Variants in PHKA1 observed in about 807,000 individuals in gnomAD.
The protein encoded by PHKA1 is phosphorylase kinase regulatory subunit alpha 1.
Under a neutral mutation model 110.2 loss-of-function variants are expected in PHKA1, and 60 were observed. The ratio of observed to expected loss-of-function variants is 0.54; its 90% CI spans 0.44 to 0.68. The LOEUF (loss-of-function observed/expected upper bound fraction) is 0.68, where lower values mean the gene tolerates loss of function less well. Ranked by LOEUF, PHKA1 falls within the 30% of genes least tolerant of loss-of-function variation. The probability of loss-of-function intolerance (pLI) is 0.00; values close to 1 mark genes in which losing one functional copy is unlikely to be tolerated. For missense variants in PHKA1, 801 were observed against 942.5 expected, an observed-to-expected ratio of 0.85 and a Z score of 1.97; for synonymous variants, 316 against 333.6, an observed-to-expected ratio of 0.95 and a Z score of 0.58.
At chrX:72,622,607 T>C (rs1375904527) in intron 18 of PHKA1, 39 of 752,443 alleles carry the variant, frequency 5.2e-5, no homozygotes, top group Non-Finnish European at 5.6e-5. Context: ...TAGTTGTATT[T>C]GCCTAGTTTG....
In PHKA1 at chrX:72,602,021, A is replaced by C; in HGVS notation, c.3042T>G (p.Phe1014Leu). 1 of 1,197,659 alleles carries C rather than the reference A, an allele frequency of 8.3e-7. No homozygotes were observed. Among genetic ancestry groups the C allele is most frequent in the Non-Finnish European group, 1.1e-6 (1 of 883,438 alleles). The stretch of plus-strand genomic sequence containing the variant: ...TCTCAGCTGAGATTGACAGTCTACG[A>C]AATTCCACCTGAAACATAAATGGCT... ...QLKSEIKQVE[F>L]RRLSISAESQ... Residue 1014 changes from phenylalanine (F) to leucine (L), a missense_variant, in exon 28 of 32, where the codon TTT (phenylalanine) becomes TTG (leucine). By Grantham distance (22) the Phe-to-Leu change is conservative. Around this residue, in one of 2 missense-constraint regions of PHKA1, gnomAD observed 502 missense variants for 519.2 expected, o/e 0.97. Transcript: ENST00000373542.
intron 5 of PHKA1, among the ~76,000 whole-genome samples, chrX:72,682,934 TAAAAAAA>T (rs1164416043): frequency 1.3e-4 from 8 of 63,857 alleles, no homozygotes; most frequent in East Asian, 5.9e-4. Flanking sequence ...AAAAATAAAT[TAAAAAAA>T]AAAAAAAAAA....
intron 7 of PHKA1, among the ~76,000 whole-genome samples, chrX:72,666,809 A>G (rs2147780539): frequency 8.9e-6 from 1 of 112,235 alleles, no homozygotes; most frequent in African/African-American, 3.2e-5. Context: ...TTAAAATTGG[A>G]GATGAGTTTA....
In PHKA1 at chrX:72,602,229, C is replaced by T. The variant is rs782357067; in HGVS notation, c.2962G>A (p.Glu988Lys). The stretch of plus-strand genomic sequence containing the variant: ...TTGGTTGCTCCAACAGCACCAATCT[C>T]GTGGATAGAAATAGCAGGACTGACA... The part of the protein sequence containing the change: ...SNVSPAISIH[E>K]IGAVGATKTE... The change falls in exon 27 of 32, where the codon GAG becomes AAG. Residue 988 changes from glutamate (E) to lysine (K), a missense_variant. This residue lies in a region of PHKA1 where 502 missense variants were observed against 519.2 expected (regional missense o/e 0.97). Transcript: ENST00000373542. 24 of 1,201,212 alleles carry T rather than the reference C, an allele frequency of 2.0e-5. No individual in the cohort carries two copies. Among genetic ancestry groups the T allele is most frequent in the Non-Finnish European group, 2.6e-5 (23 of 887,844 alleles).
chrX:72,618,667 T>C, intron 21 of PHKA1, 43 bp downstream of exon 21: 3 of 1,063,827 alleles, frequency 2.8e-6, no homozygotes, highest in Non-Finnish European at 3.9e-6. Flanking sequence ...ATAATTCCTC[T>C]GATTATGAAC....
chrX:72,689,801 C>T (rs2147817084), intron 4 of PHKA1, among the ~76,000 whole-genome samples: 1 of 111,411 alleles, frequency 9.0e-6, no homozygotes, highest in South Asian at 3.8e-4. Flanking sequence ...GACTCTTTTC[C>T]AAGGCAGCCG....
intron 14 of PHKA1, among the ~76,000 whole-genome samples, chrX:72,643,206 C>T (rs1426234410): frequency 9.0e-6 from 1 of 110,731 alleles, no homozygotes; most frequent in Non-Finnish European, 1.9e-5. Flanking sequence ...ACTGTAATTA[C>T]TAACATACCA....
Position 72,643,835 on chromosome X carries a change from T to A in PHKA1, c.1459+527A>T, listed in dbSNP as rs181463766. ...GTCATTATTCAGTCTTCCACAAGAG[T>A]AGTTTAGAATTTCTTTTAGATAACA... On this transcript the variant is annotated intron_variant, in intron 14 of 31. Transcript: ENST00000373542. Among the ~76,000 whole-genome samples the A allele has an allele frequency of 2.7e-5, 3 of 111,671 alleles. No individual in the cohort carries two copies. The East Asian group carries it at 8.4e-4, about 31-fold the overall frequency.
intron 5 of PHKA1, among the ~76,000 whole-genome samples, chrX:72,682,936 A>T (rs868991334): frequency 0.09 from 6,864 of 76,275 alleles, 167 homozygotes; most frequent in African/African-American, 0.11. Context: ...AAATAAATTA[A>T]AAAAAAAAAA....
intron 31 of PHKA1, 123 bp downstream of exon 31, chrX:72,582,275 G>A (rs1274902633): frequency 4.0e-6 from 2 of 502,377 alleles, no homozygotes; most frequent in Non-Finnish European, 7.0e-6. Context: ...TACAAAGGGG[G>A]CCCAAAAAAG....
At chrX:72,712,978 G>A in intron 1 of PHKA1, 41 bp from the exon 2 acceptor site, 1 of 1,187,194 alleles carries the variant, frequency 8.4e-7, no homozygotes, top group East Asian at 3.0e-5. Flanking sequence ...GTAACCATAG[G>A]TGTTAACATC....
rs1159542828 is a variant in PHKA1, at chrX:72,623,171, T to A, written c.1898A>T (p.Asp633Val). 8.3e-7 allele frequency: 1 copy of A among 1,208,076 alleles called. No individual in the cohort carries two copies. The highest frequency in any genetic ancestry group is 2.2e-5 in the Admixed American group (1 of 45,652). Residue 633 changes from aspartate to valine, a missense_variant, in exon 18 of 32, where the codon GAT becomes GTT. This residue lies in a region of PHKA1 where 502 missense variants were observed against 519.2 expected (regional missense o/e 0.97). Coordinates refer to ENST00000373542, the MANE Select transcript of PHKA1 (RefSeq NM_002637.4). ...AGATTCCAGGTAATCATAGTTGTCA[T>A]CATAATCTTCACTGTACAGCTTACC... is the stretch of plus-strand genomic sequence containing the variant. The part of the protein sequence containing the change: ...PEGKLYSEDY[D>V]DNYDYLESGN...
At chrX:72,681,624 G>C (rs2053875100) in intron 5 of PHKA1, among the ~76,000 whole-genome samples, 1 of 85,534 alleles carries the variant, frequency 1.2e-5, no homozygotes, top group Non-Finnish European at 2.4e-5. Context: ...CTACTGGGAA[G>C]TGAGGAGCCC....
chrX:72,710,238 G>A (rs1286563509), intron 2 of PHKA1, among the ~76,000 whole-genome samples: 3 of 111,544 alleles, frequency 2.7e-5, no homozygotes, highest in Non-Finnish European at 5.6e-5. Context: ...CTTATATGTG[G>A]CTTTTTTCCA....
At chrX:72,663,317 A>T (rs1556305063) in intron 8 of PHKA1, among the ~76,000 whole-genome samples, 1 of 105,124 alleles carries the variant, frequency 9.5e-6, no homozygotes, top group East Asian at 4.5e-4. Context: ...TTTGAAATAA[A>T]CCAGGCATAC....
chrX:72,670,888 C>T (rs1275363698), intron 6 of PHKA1, among the ~76,000 whole-genome samples: 1 of 111,878 alleles, frequency 8.9e-6, no homozygotes, highest in East Asian at 2.8e-4. Context: ...TTCAACAACG[C>T]TTCATGCTAA....
intron 5 of PHKA1, among the ~76,000 whole-genome samples, chrX:72,681,734 T>C (rs1205453817): frequency 1.8e-3 from 70 of 39,597 alleles, no homozygotes; most frequent in Admixed American, 2.0e-3. Flanking sequence ...GGGTCAGCCC[T>C]CCGCCCGGCC....
In PHKA1 at chrX:72,696,450, C is replaced by T. The variant is rs139317213; in HGVS notation, c.286-574G>A. Among the ~76,000 whole-genome samples, 41 of 111,464 alleles carry T rather than the reference C, an allele frequency of 3.7e-4. No homozygotes were observed. The East Asian group carries it at 0.01, about 28-fold the overall frequency. On this transcript the variant is annotated intron_variant, in intron 3 of 31. Transcript: ENST00000373542. ...ATCTGCCTCCCATTCTATTCAAAGT[C>T]ATCCCTCTGCTCACAGAGACAGATG...
In PHKA1 at chrX:72,641,758, T is replaced by C. The variant is rs144557972; in HGVS notation, c.1459+2604A>G. Among the ~76,000 whole-genome samples the C allele has an allele frequency of 6.0e-3, 672 of 111,809 alleles. 7 individuals carry two copies. Among genetic ancestry groups the C allele is most frequent in the African/African-American group, 0.021 (637 of 30,832 alleles). ...ATGGAATTATGGTTGTCATTTGACGTACCCTTAGGGCAATTTTTTTATTGT... is the reference window on the plus strand; with the variant it reads ...ATGGAATTATGGTTGTCATTTGACGCACCCTTAGGGCAATTTTTTTATTGT... On this transcript the variant is annotated intron_variant, in intron 14 of 31. Transcript: ENST00000373542.
Sources: allele counts gnomAD v4.1 joint callset (sites outside exome capture counted in the v4.1 genomes callset), GRCh38; gene constraint gnomAD v4.1.1; regional missense constraint gnomAD v4.1.1; transcripts MANE v1.5; gene names NCBI Gene and HGNC (gene_info 2026-07-23, HGNC 2026-07-21).